Variants in ZNF578 observed in about 807,000 individuals in gnomAD.
ZNF578 encodes the protein zinc finger protein 578.
Under a neutral mutation model 8.3 loss-of-function variants are expected in ZNF578, and 8 were observed. That is an observed-to-expected ratio of 0.96 (90% CI 0.56 to 1.74). The LOEUF (loss-of-function observed/expected upper bound fraction) is 1.74. Among genes scored for constraint, ZNF578 ranks in the 40% most tolerant of loss-of-function variants. The pLI is 0.00. For missense variants in ZNF578, 726 were observed against 707.5 expected (o/e 1.03, Z -0.30); for synonymous variants, 206 against 232.2 (o/e 0.89, Z 1.03).
At chr19:52,498,546 T>A (rs1218297188) in intron 3 of ZNF578, among the ~76,000 whole-genome samples, 1 of 151,970 alleles carries the variant, frequency 6.6e-6, no homozygotes, top group Non-Finnish European at 1.5e-5. Context: ...TTAGCCAGAA[T>A]GGTAATTTGT....
chr19:52,473,844 A>T, intron 2 of ZNF578: 1 of 317,478 alleles, frequency 3.1e-6, no homozygotes. Flanking sequence ...TGAATTCTCC[A>T]ACATTGTGCT....
chr19:52,478,183 T>C (rs1465823500), intron 2 of ZNF578, among the ~76,000 whole-genome samples: 1 of 152,238 alleles, frequency 6.6e-6, no homozygotes, highest in Non-Finnish European at 1.5e-5. Context: ...AGCCAAATGC[T>C]TTACATCAAA....
At chr19:52,463,834 T>C (rs2059266117) in intron 2 of ZNF578, among the ~76,000 whole-genome samples, 1 of 152,148 alleles carries the variant, frequency 6.6e-6, no homozygotes, top group African/African-American at 2.4e-5. Flanking sequence ...CCCAGTACTG[T>C]AGCCATCAGT....
At chr19:52,496,486 C>T (rs1386990429) in intron 3 of ZNF578, among the ~76,000 whole-genome samples, 2 of 146,354 alleles carry the variant, frequency 1.4e-5, no homozygotes, top group Non-Finnish European at 3.0e-5. Flanking sequence ...CCCGCCACCG[C>T]GCCCAGCTAA....
chr19:52,510,472 A>G, intron 5 of ZNF578, 100 bp from the exon 6 acceptor site: 1 of 1,373,566 alleles, frequency 7.3e-7, no homozygotes, highest in South Asian at 2.3e-5. Context: ...ATGTTTGGGA[A>G]GTTTAAAATA....
At chr19:52,464,720 C>T (rs2059269188) in intron 2 of ZNF578, among the ~76,000 whole-genome samples, 1 of 152,178 alleles carries the variant, frequency 6.6e-6, no homozygotes, top group Non-Finnish European at 1.5e-5. Context: ...TGATCTCTAA[C>T]AGGCTGGATA....
At chr19:52,459,915 G>A (rs570465586) in intron 2 of ZNF578, among the ~76,000 whole-genome samples, 50 of 147,792 alleles carry the variant, frequency 3.4e-4, no homozygotes, top group Middle Eastern at 3.5e-3. Context: ...CTACAGGTGC[G>A]TGCCACCATG....
chr19:52,471,516 A>G (rs1457867876), intron 2 of ZNF578, among the ~76,000 whole-genome samples: 4 of 152,116 alleles, frequency 2.6e-5, no homozygotes, highest in African/African-American at 9.7e-5. Context: ...CAAGCTGATA[A>G]TAAAGCCTGA....
chr19:52,496,127 C>T (rs2615576), intron 3 of ZNF578, among the ~76,000 whole-genome samples: 30,141 of 151,250 alleles, frequency 0.2, 3,146 homozygotes, highest in Non-Finnish European at 0.22. Flanking sequence ...TCAAGGAATT[C>T]TCTGCCTCAG....
At chr19:52,466,067 C>T (rs947184664) in intron 2 of ZNF578, among the ~76,000 whole-genome samples, 1 of 152,216 alleles carries the variant, frequency 6.6e-6, no homozygotes, top group African/African-American at 2.4e-5. Flanking sequence ...AGGCCCTGAT[C>T]TCTGGTCTCC....
intron 3 of ZNF578, among the ~76,000 whole-genome samples, chr19:52,494,888 A>G (rs2059380260): frequency 6.6e-6 from 1 of 152,150 alleles, no homozygotes; most frequent in Admixed American, 6.6e-5. Flanking sequence ...CAGGAGTACA[A>G]TGGTGTTATC....
intron 3 of ZNF578, among the ~76,000 whole-genome samples, chr19:52,495,596 T>C (rs2059383120): frequency 2.0e-5 from 3 of 151,982 alleles, no homozygotes; most frequent in Admixed American, 2.0e-4. Flanking sequence ...GTAATGAAGA[T>C]GAAGGGGGAC....
chr19:52,463,629 TTCA>T (rs1351573615), intron 2 of ZNF578, among the ~76,000 whole-genome samples: 1 of 152,206 alleles, frequency 6.6e-6, no homozygotes, highest in Non-Finnish European at 1.5e-5. Flanking sequence ...GATAAAGCTG[TTCA>T]TCAATAATAT....
intron 1 of ZNF578, chr19:52,454,119 G>T (rs979765316): frequency 2.6e-5 from 4 of 152,216 alleles, no homozygotes; most frequent in African/African-American, 9.7e-5. Context: ...CATTGAGGGA[G>T]GTGACGGGGC....
At chr19:52,493,373 T>C (rs1356015999) in intron 3 of ZNF578, among the ~76,000 whole-genome samples, 1 of 152,186 alleles carries the variant, frequency 6.6e-6, no homozygotes, top group African/African-American at 2.4e-5. Context: ...CCGCTTCCCC[T>C]GAACCAGCAT....
chr19:52,467,396 A>C (rs891542013), intron 2 of ZNF578, among the ~76,000 whole-genome samples: 5 of 152,108 alleles, frequency 3.3e-5, no homozygotes, highest in African/African-American at 1.2e-4. Flanking sequence ...GCACCACTGC[A>C]CTCCAGCCTG....
chr19:52,473,351 G>C (rs1381144196), intron 2 of ZNF578: 1 of 174,414 alleles, frequency 5.7e-6, no homozygotes, highest in African/African-American at 2.4e-5. Flanking sequence ...GTGATGATAT[G>C]CAAGATGTGA....
chr19:52,510,892 C>G lies in ZNF578; in HGVS notation c.511C>G (p.Gln171Glu). ...GCATCTTCCTGAACTCCACATATTTCAGCCCGAAGAGAAAATTGCTAATCA... is the reference window on the plus strand; with the variant it reads ...GCATCTTCCTGAACTCCACATATTTGAGCCCGAAGAGAAAATTGCTAATCA... ...HLHLPELHIF[Q>E]PEEKIANQVE... Residue 171 changes from glutamine (Q) to glutamate (E), a missense_variant, in exon 6 of 6, where the codon CAG (glutamine) becomes GAG (glutamate). By Grantham distance (29) the Gln-to-Glu change is conservative. Transcript: ENST00000421239. The G allele has an allele frequency of 6.2e-7, 1 of 1,614,200 alleles. No individual in the cohort carries two copies. Among genetic ancestry groups the G allele is most frequent in the Non-Finnish European group, 8.5e-7 (1 of 1,180,034 alleles).
At chr19:52,484,687 C>T (rs1028163968) in intron 2 of ZNF578, among the ~76,000 whole-genome samples, 1 of 151,914 alleles carries the variant, frequency 6.6e-6, no homozygotes, top group Non-Finnish European at 1.5e-5. Flanking sequence ...TAACTGATGA[C>T]ATTGTCTTGT....
Sources: allele counts gnomAD v4.1 joint callset (sites outside exome capture counted in the v4.1 genomes callset), GRCh38; gene constraint gnomAD v4.1.1; transcripts MANE v1.5; gene names NCBI Gene and HGNC (gene_info 2026-07-23, HGNC 2026-07-21).